TRAPPC9: variants seen among roughly 807,000 people sequenced by gnomAD.
TRAPPC9 encodes trafficking protein particle complex subunit 9.
TRAPPC9 carries 83 observed loss-of-function variants against 124.0 expected under a neutral mutation model. The ratio of observed to expected loss-of-function variants is 0.67; its 90% CI spans 0.56 to 0.80. The LOEUF (loss-of-function observed/expected upper bound fraction) is 0.80, where lower values mean the gene tolerates loss of function less well. Among genes scored for constraint, TRAPPC9 ranks in the 30% least tolerant of loss-of-function variants. The probability of loss-of-function intolerance (pLI) is 0.00; values close to 1 mark genes in which losing one functional copy is unlikely to be tolerated. For synonymous variants in TRAPPC9, 638 were observed against 617.5 expected (o/e 1.03, Z -0.49); for missense variants, 1,302 against 1,508.3 (o/e 0.86, Z 2.27).
At chr8:140,404,041 G>C (rs2069382243) in intron 6 of TRAPPC9, among the ~76,000 whole-genome samples, 1 of 152,144 alleles carries the variant, frequency 6.6e-6, no homozygotes, top group African/African-American at 2.4e-5. Flanking sequence ...AAAGATGTAT[G>C]CATAGGGGCA....
At chr8:140,424,585 C>G (rs1475710133) in intron 5 of TRAPPC9, among the ~76,000 whole-genome samples, 2 of 149,376 alleles carry the variant, frequency 1.3e-5, no homozygotes, top group African/African-American at 4.9e-5. Context: ...GCTAGGATCG[C>G]GCCTGTGAAT....
At chr8:139,931,832 A>G (rs1025020621) in intron 19 of TRAPPC9, 2 of 174,438 alleles carry the variant, frequency 1.1e-5, no homozygotes, top group African/African-American at 4.8e-5. Flanking sequence ...CAAAAGGATG[A>G]GAAATTAAGC....
At chr8:140,016,359 TAGGGTG>T (rs1839463334) in intron 18 of TRAPPC9, among the ~76,000 whole-genome samples, 2 of 152,156 alleles carry the variant, frequency 1.3e-5, no homozygotes, top group Non-Finnish European at 2.9e-5. Context: ...AGGACTTTGC[TAGGGTG>T]AGGGAATTTC....
At chr8:140,431,240 T>C (rs1347303409) in intron 4 of TRAPPC9, among the ~76,000 whole-genome samples, 3 of 151,902 alleles carry the variant, frequency 2.0e-5, no homozygotes, top group African/African-American at 7.2e-5. Context: ...GCGGATCACC[T>C]GAGGTCAGGA....
In TRAPPC9 at chr8:140,219,730, C is replaced by T. The variant is rs77184738; in HGVS notation, c.2556+1729G>A. Among the ~76,000 whole-genome samples the T allele has an allele frequency of 3.0e-3, 462 of 152,298 alleles. 3 individuals are homozygous for T. The highest frequency in any genetic ancestry group is 0.01 in the African/African-American group (424 of 41,576). On this transcript the variant is annotated intron_variant, in intron 17 of 22. Transcript: ENST00000438773. ...CATGTCATGGGTCTGCTACTATACA[C>T]GGGGCAAACGAGCCTGTTGGTCCCA...
At chr8:140,338,927 G>A (rs1428621789) in intron 9 of TRAPPC9, among the ~76,000 whole-genome samples, 3 of 91,318 alleles carry the variant, frequency 3.3e-5, no homozygotes, top group Admixed American at 2.2e-4. Flanking sequence ...CCTACAGGCC[G>A]ACGGGAAACG....
At chr8:140,119,481 G>A (rs533635662) in intron 17 of TRAPPC9, among the ~76,000 whole-genome samples, 152 of 152,228 alleles carry the variant, frequency 1.0e-3, no homozygotes, top group Non-Finnish European at 1.6e-3. Flanking sequence ...AACTCACCCC[G>A]CAAGTTTCTG....
At chr8:139,901,773 G>A (rs1831035385) in intron 20 of TRAPPC9, among the ~76,000 whole-genome samples, 1 of 152,184 alleles carries the variant, frequency 6.6e-6, no homozygotes, top group Non-Finnish European at 1.5e-5. Context: ...CAGCACTGAG[G>A]GCAGCAGCTG....
intron 21 of TRAPPC9, among the ~76,000 whole-genome samples, chr8:139,803,957 C>T (rs1330834949): frequency 6.6e-6 from 1 of 152,050 alleles, no homozygotes; most frequent in Non-Finnish European, 1.5e-5. Flanking sequence ...TCCCCAATCA[C>T]CTTTCTCCAG....
At chr8:140,130,083 G>C (rs966214560) in intron 17 of TRAPPC9, among the ~76,000 whole-genome samples, 2 of 152,220 alleles carry the variant, frequency 1.3e-5, no homozygotes, top group Admixed American at 6.5e-5. Context: ...ATGCCCACGT[G>C]TCAGAAGGAC....
chr8:140,147,465 G>A (rs918778149), intron 17 of TRAPPC9, among the ~76,000 whole-genome samples: 1 of 152,212 alleles, frequency 6.6e-6, no homozygotes, highest in Non-Finnish European at 1.5e-5. Flanking sequence ...TGCGGTGGCC[G>A]GCACTGGAAA....
chr8:140,211,040 A>T (rs375262704), intron 17 of TRAPPC9, among the ~76,000 whole-genome samples: 4 of 151,292 alleles, frequency 2.6e-5, no homozygotes, highest in East Asian at 3.9e-4. Flanking sequence ...ACTTGAATAC[A>T]TTTGCTCCTA....
chr8:140,272,130 C>CGATGGTGATGGTGGCGATGGTGATGGT (rs2064931327), intron 15 of TRAPPC9, among the ~76,000 whole-genome samples: 4 of 100,458 alleles, frequency 4.0e-5, no homozygotes, highest in African/African-American at 1.4e-4. Context: ...GTGATGGTGG[C>CGATGGTGATGGTGGCGATGGTGATGGT]GATGGTGATG....
At chr8:140,281,280 C>T (rs951608117) in intron 14 of TRAPPC9, among the ~76,000 whole-genome samples, 9 of 152,212 alleles carry the variant, frequency 5.9e-5, no homozygotes, top group Admixed American at 1.3e-4. Context: ...CCAGCTTCTC[C>T]GAAACCTTGC....
At chr8:139,992,441 C>T (rs534172632) in intron 18 of TRAPPC9, among the ~76,000 whole-genome samples, 6 of 151,928 alleles carry the variant, frequency 3.9e-5, no homozygotes, top group South Asian at 2.1e-4. Context: ...TTGAGCATCA[C>T]GTCAGTGCTC....
intron 17 of TRAPPC9, among the ~76,000 whole-genome samples, chr8:140,145,382 T>A (rs2130795803): frequency 6.6e-6 from 1 of 152,096 alleles, no homozygotes; most frequent in African/African-American, 2.4e-5. Context: ...TTAAAAGCAA[T>A]GTGCCTAGAG....
chr8:140,095,577 C>A (rs569671250), intron 17 of TRAPPC9: 36 of 152,332 alleles, frequency 2.4e-4, no homozygotes, highest in African/African-American at 8.7e-4. Context: ...CCCAAAGAAA[C>A]CCTGCTGCCC....
chr8:140,128,040 G>C (rs992522979), intron 17 of TRAPPC9, among the ~76,000 whole-genome samples: 1 of 152,232 alleles, frequency 6.6e-6, no homozygotes, highest in Non-Finnish European at 1.5e-5. Context: ...ATGGTGAAGA[G>C]CTAAATTGGC....
rs977190689 is a variant in TRAPPC9, at chr8:139,755,907, C to T, written c.3056-23705G>A. On this transcript the variant is annotated intron_variant, in intron 21 of 22. Coordinates refer to ENST00000438773, the MANE Select transcript of TRAPPC9 (RefSeq NM_001160372.4). ...GGGTTTGGGGATGAGGACAGTGTGTCGCAGGAGGAGCCAGGGTTTGGGGAT... is the reference window on the plus strand; with the variant it reads ...GGGTTTGGGGATGAGGACAGTGTGTTGCAGGAGGAGCCAGGGTTTGGGGAT... Among the ~76,000 whole-genome samples, 3 of 123,382 alleles carry T rather than the reference C, an allele frequency of 2.4e-5. No individual in the cohort carries two copies. The South Asian group carries it at 7.8e-4, about 32-fold the overall frequency. The allele number at this position is 123,382 out of a possible 152,430, so 80.9% of individuals were successfully genotyped here. A position where few individuals can be genotyped will look rare whatever the true frequency, so the allele number is the denominator to read the frequency against.
Sources: gnomAD v4.1 joint callset for allele counts (sites outside exome capture counted in the v4.1 genomes callset) on GRCh38, gnomAD v4.1.1 for gene constraint, MANE v1.5 for transcripts, NCBI Gene and HGNC (gene_info 2026-07-23, HGNC 2026-07-21) for gene names.